Variants in ZNF76 observed in about 807,000 individuals in gnomAD.
ZNF76 encodes the protein zinc finger protein 523.
A neutral mutation model predicts 66.9 loss-of-function variants in ZNF76; 66 were observed. The observed-to-expected ratio is 0.99, with a 90% CI of 0.81 to 1.21. ZNF76 has a LOEUF of 1.21. ZNF76 is among the 50% of genes most tolerant of loss of function. ZNF76 has a pLI of 0.00. For missense variants in ZNF76, 729 were observed against 760.3 expected (o/e 0.96, Z 0.48); for synonymous variants, 275 against 296.1 (o/e 0.93, Z 0.73).
At chr6:35,281,318 C>A in intron 2 of ZNF76, 94 bp downstream of exon 2, 1 of 1,198,034 alleles carries the variant, frequency 8.3e-7, no homozygotes, top group Non-Finnish European at 1.2e-6. Context: ...ACCTTGCCCT[C>A]CCGCCTGCTT....
chr6:35,272,367 T>A (rs907743647), intron 1 of ZNF76, among the ~76,000 whole-genome samples: 2 of 152,044 alleles, frequency 1.3e-5, no homozygotes, highest in Admixed American at 6.6e-5. Context: ...TATTTGAGAG[T>A]CTCAGGCAAG....
At chr6:35,291,936 C>G (rs1394586816) in intron 9 of ZNF76, 199 bp downstream of exon 9, 1 of 654,014 alleles carries the variant, frequency 1.5e-6, no homozygotes, top group Non-Finnish European at 2.7e-6. Context: ...TAGGTCCAAT[C>G]TGAAAGGTAT....
At chr6:35,262,023 A>G (rs1458884801) in intron 1 of ZNF76, among the ~76,000 whole-genome samples, 1 of 152,224 alleles carries the variant, frequency 6.6e-6, no homozygotes, top group African/African-American at 2.4e-5. Context: ...GTTTTATGTG[A>G]CAGGAGCCTT....
intron 13 of ZNF76, 91 bp from the exon 14 acceptor site, chr6:35,295,053 C>CAA: frequency 2.4e-5 from 20 of 843,386 alleles, no homozygotes; most frequent in Non-Finnish European, 3.0e-5. Flanking sequence ...GGGGGAGAGT[C>CAA]AAAAAAAAAA....
At chr6:35,280,332 G>A (rs968347391) in intron 1 of ZNF76, among the ~76,000 whole-genome samples, 4 of 152,152 alleles carry the variant, frequency 2.6e-5, no homozygotes, top group Non-Finnish European at 5.9e-5. Context: ...CTGCACTCCA[G>A]CTGGGCGACA....
chr6:35,286,083 C>A lies in ZNF76; in HGVS notation c.74-45C>A, dbSNP rs1375126768. On this transcript the variant is annotated intron_variant, in intron 2 of 13. Transcript: ENST00000373953. The stretch of plus-strand genomic sequence containing the variant: ...AAAAACAGGCAGGCGTTTCTTAGCC[C>A]TCTTCTGGTCCTGGCCCATTTCTCT... The A allele has an allele frequency of 2.5e-6, 4 of 1,591,010 alleles. No homozygotes were observed. The East Asian group carries it at 8.9e-5, about 36-fold the overall frequency.
chr6:35,263,074 G>A (rs759205026), intron 1 of ZNF76, among the ~76,000 whole-genome samples: 14 of 152,128 alleles, frequency 9.2e-5, no homozygotes, highest in African/African-American at 1.2e-4. Flanking sequence ...AGGGCCATGC[G>A]TATGCCCCTG....
Position 35,277,278 on chromosome 6 carries a change from T to G in ZNF76, c.-96-3778T>G, listed in dbSNP as rs146109088. Among the ~76,000 whole-genome samples, 672 of 152,260 alleles carry G rather than the reference T, an allele frequency of 4.4e-3. 5 individuals carry two copies. The highest frequency in any genetic ancestry group is 0.027 in the Middle Eastern group (8 of 294). On this transcript the variant is annotated intron_variant, in intron 1 of 13. Coordinates refer to ENST00000373953, the MANE Select transcript of ZNF76 (RefSeq NM_003427.5). Reference sequence around the variant, plus strand: ...GGGACCACGTGGAGGTTATCAGGGCTCTGGGCAAGGATGCTAATAGACCAG... The same window carrying G: ...GGGACCACGTGGAGGTTATCAGGGCGCTGGGCAAGGATGCTAATAGACCAG...
In ZNF76 at chr6:35,291,749, G is replaced by A; in HGVS notation, c.931+12G>A. The A allele has an allele frequency of 6.2e-7, 1 of 1,603,452 alleles. No homozygotes were observed. Among genetic ancestry groups the A allele is most frequent in the South Asian group, 1.1e-5 (1 of 91,070 alleles). ...GCGCATCCACACAGGTGGGCTAGCT[G>A]GCATGCGAGGACTACCCTCACTCAG... On this transcript the variant is annotated intron_variant, in intron 9 of 13. Transcript: ENST00000373953.
At position 35,287,728 on chromosome 6, in the gene ZNF76, A is replaced by G. The variant is rs910610635; in HGVS notation, c.315A>G (p.Pro105=). ...TAYIHHPVAV[P]SESTILAVQT... ...ACATTCACCACCCTGTGGCTGTGCC[A>G]TCGGAGAGCACCATCCTGGCCGTAC... The change falls in exon 5 of 14, where the codon CCA becomes CCG. Residue 105 remains proline, a synonymous_variant. Transcript: ENST00000373953. The surrounding 1 kb of genome is among the most constrained non-coding windows in gnomAD (Gnocchi z 4.0). 2 of 1,614,108 alleles carry G rather than the reference A, an allele frequency of 1.2e-6. No individual in the cohort carries two copies. Among genetic ancestry groups the G allele is most frequent in the Non-Finnish European group, 8.5e-7 (1 of 1,180,042 alleles).
chr6:35,279,977 A>C (rs920310088), intron 1 of ZNF76, among the ~76,000 whole-genome samples: 1 of 149,152 alleles, frequency 6.7e-6, no homozygotes, highest in African/African-American at 2.4e-5. Flanking sequence ...GATTGCAGGC[A>C]TGTGCCACTA....
At chr6:35,280,247 G>A (rs889087336) in intron 1 of ZNF76, among the ~76,000 whole-genome samples, 20 of 152,104 alleles carry the variant, frequency 1.3e-4, no homozygotes, top group African/African-American at 4.8e-4. Context: ...GTTAGAACAT[G>A]AGTTGGAAGA....
At position 35,286,340 on chromosome 6, in the gene ZNF76, A is replaced by T. The variant is rs1255816957; in HGVS notation, c.173A>T (p.Asp58Val). The change falls in exon 4 of 14, where the codon GAT becomes GTT. Residue 58 changes from aspartate (D) to valine (V), a missense_variant. Coordinates refer to ENST00000373953, the MANE Select transcript of ZNF76 (RefSeq NM_003427.5). ...TVQKEALSFE[D>V]GQPVQLEDGS... The stretch of plus-strand genomic sequence containing the variant: ...GTTACAGAAGCTCTCTCCTTTGAGG[A>T]TGGTCAGCCTGTGCAGCTGGAAGAT... 1.2e-6 allele frequency: 2 copies of T among 1,614,200 alleles called. No homozygotes were observed. Among genetic ancestry groups the T allele is most frequent in the Non-Finnish European group, 1.7e-6 (2 of 1,180,026 alleles).
chr6:35,262,939 C>T (rs1459284664), intron 1 of ZNF76, among the ~76,000 whole-genome samples: 1 of 152,112 alleles, frequency 6.6e-6, no homozygotes, highest in African/African-American at 2.4e-5. Context: ...CTCTTCCTGC[C>T]TTCCTCTTAT....
At chr6:35,294,908 G>T in intron 13 of ZNF76, 1 of 579,382 alleles carries the variant, frequency 1.7e-6, no homozygotes, top group Non-Finnish European at 3.1e-6. Flanking sequence ...TCCTTCCTCC[G>T]TGAGCAAGTG....
chr6:35,280,335 G>A (rs185331451), intron 1 of ZNF76, among the ~76,000 whole-genome samples: 5 of 152,240 alleles, frequency 3.3e-5, no homozygotes, highest in Middle Eastern at 3.4e-3. Flanking sequence ...CACTCCAGCT[G>A]GGCGACAGAG....
At chr6:35,264,336 A>G (rs1023882712) in intron 1 of ZNF76, among the ~76,000 whole-genome samples, 4 of 152,100 alleles carry the variant, frequency 2.6e-5, no homozygotes, top group African/African-American at 9.7e-5. Flanking sequence ...TTTCTACTGT[A>G]TTTCTGGTAA....
chr6:35,271,191 G>A (rs903734627), intron 1 of ZNF76, among the ~76,000 whole-genome samples: 4 of 152,132 alleles, frequency 2.6e-5, no homozygotes, highest in South Asian at 2.1e-4. Flanking sequence ...CCATTTTCAC[G>A]CATGTCCATC....
Position 35,292,100 on chromosome 6 carries a change from C to G in ZNF76, c.931+363C>G. ...GTCACCTTCAACTCCTCACCTTATC[C>G]GCCGTCCATGACTCCTGTGTATCCT... On this transcript the variant is annotated intron_variant, in intron 9 of 13. Transcript: ENST00000373953. This position sits in a 1 kb window ranked among gnomAD's most constrained non-coding sequence, Gnocchi z 4.7. 2.4e-6 allele frequency: 1 copy of G among 422,202 alleles called. No homozygotes were observed. Among genetic ancestry groups the G allele is most frequent in the Non-Finnish European group, 4.4e-6 (1 of 225,894 alleles). 26.2% of individuals were successfully genotyped at this position (422,202 alleles called of 1,614,324 possible). A position where few individuals can be genotyped will look rare whatever the true frequency, so the allele number is the denominator to read the frequency against.
Sources: gnomAD v4.1 joint callset for allele counts (sites outside exome capture counted in the v4.1 genomes callset) on GRCh38, gnomAD v4.1.1 for gene constraint, Gnocchi (gnomAD v3.1) non-coding constraint, MANE v1.5 for transcripts, NCBI Gene and HGNC (gene_info 2026-07-23, HGNC 2026-07-21) for gene names.